Variants in XPNPEP3 observed in about 807,000 individuals in gnomAD.
The protein encoded by XPNPEP3 is X-prolyl aminopeptidase 3.
Under a neutral mutation model 60.0 loss-of-function variants are expected in XPNPEP3, and 41 were observed. The ratio of observed to expected loss-of-function variants is 0.68; its 90% confidence interval spans 0.53 to 0.89. The LOEUF is 0.89. XPNPEP3 is among the 40% of genes least tolerant of loss of function. XPNPEP3 has a pLI of 0.00. For synonymous variants in XPNPEP3, 212 were observed against 223.2 expected (o/e 0.95, Z 0.45); for missense variants, 598 against 638.9 (o/e 0.94, Z 0.69).
chr22:40,929,722 A>G lies in XPNPEP3; in HGVS notation c.*3287A>G, dbSNP rs1449564300. The G allele has an allele frequency of 2.0e-5, 3 of 152,172 alleles. No homozygotes were observed. The East Asian group carries it at 5.8e-4, about 29-fold the overall frequency. 9.4% of individuals were successfully genotyped at this position (152,172 alleles called of 1,614,324 possible). The stretch of plus-strand genomic sequence containing the variant: ...CTAACTATAGCAGCTAAGCATTTGA[A>G]TCAGACTTCTCATAGCAATGTTATG... On this transcript the variant is annotated 3_prime_UTR_variant, in exon 10 of 10. Transcript: ENST00000357137.
At position 40,909,245 on chromosome 22, in the gene XPNPEP3, A is replaced by G; in HGVS notation, c.969+10A>G. 6.2e-7 allele frequency: 1 copy of G among 1,608,420 alleles called. No individual in the cohort carries two copies. Among genetic ancestry groups the G allele is most frequent in the South Asian group, 1.1e-5 (1 of 90,964 alleles). On this transcript the variant is annotated intron_variant, in intron 6 of 9. Transcript: ENST00000357137. Reference sequence around the variant, plus strand: ...TAATCAACTCATCAAGGTACGTGAGATGCCCTCAGTGCTACTCCCACTAGG... The same window carrying G: ...TAATCAACTCATCAAGGTACGTGAGGTGCCCTCAGTGCTACTCCCACTAGG...
chr22:40,924,021 G>T (rs960762048), intron 8 of XPNPEP3, among the ~76,000 whole-genome samples: 22 of 152,030 alleles, frequency 1.4e-4, no homozygotes, highest in African/African-American at 2.9e-4. Flanking sequence ...CAAGAAAAGA[G>T]ATTTTTTTTT....
At chr22:40,857,585 T>C (rs1163313879) in intron 1 of XPNPEP3, among the ~76,000 whole-genome samples, 1 of 152,248 alleles carries the variant, frequency 6.6e-6, no homozygotes, top group Non-Finnish European at 1.5e-5. Flanking sequence ...CTTGTTTCTG[T>C]TAGGCGTGAG....
intron 4 of XPNPEP3, among the ~76,000 whole-genome samples, chr22:40,888,635 T>C (rs2058077817): frequency 6.6e-6 from 1 of 151,562 alleles, no homozygotes; most frequent in South Asian, 2.1e-4. Context: ...TTGGTTTCTA[T>C]CTTTTTTTTT....
At chr22:40,860,581 A>C in intron 1 of XPNPEP3, 1 of 1,187,944 alleles carries the variant, frequency 8.4e-7, no homozygotes, top group Non-Finnish European at 1.1e-6. Flanking sequence ...TTTAATTAGA[A>C]AAAAGAAAAA....
chr22:40,860,657 T>C lies in XPNPEP3; in HGVS notation c.64+3412T>C, dbSNP rs751229782. 29 of 212,142 alleles carry C rather than the reference T, an allele frequency of 1.4e-4. No individual in the cohort carries two copies. In the East Asian group the frequency reaches 3.3e-3, roughly 24 times the overall value. 13.1% of individuals were successfully genotyped at this position (212,142 alleles called of 1,614,324 possible). ...AACTCATTGCAGTTTTCCAAATTCC[T>C]TTTTTTTTTTTTTAAGACAGGGTCT... On this transcript the variant is annotated intron_variant, in intron 1 of 9. Coordinates refer to ENST00000357137, the MANE Select transcript of XPNPEP3 (RefSeq NM_022098.4).
chr22:40,889,489 G>A (rs2058081236), intron 4 of XPNPEP3, among the ~76,000 whole-genome samples: 1 of 152,204 alleles, frequency 6.6e-6, no homozygotes, highest in African/African-American at 2.4e-5. Context: ...GTAATCCTGA[G>A]TTGACAACAG....
Position 40,868,889 on chromosome 22 carries a change from A to G in XPNPEP3, c.65-110A>G, listed in dbSNP as rs1011605929. ...TATTGAAGGAGAGAAGGAAGGAAAT[A>G]TTAGTTTGCATTTTTCTAAAGCATC... On this transcript the variant is annotated intron_variant, in intron 1 of 9. Coordinates refer to ENST00000357137, the MANE Select transcript of XPNPEP3 (RefSeq NM_022098.4). 7 of 856,752 alleles carry G rather than the reference A, an allele frequency of 8.2e-6. No individual in the cohort carries two copies. The African/African-American group carries it at 1.0e-4, about 12-fold the overall frequency. The allele number at this position is 856,752 out of a possible 1,614,324, so 53.1% of individuals were successfully genotyped here. A position where few individuals can be genotyped will look rare whatever the true frequency, so the allele number is the denominator to read the frequency against.
At chr22:40,891,169 C>T (rs1223192571) in intron 4 of XPNPEP3, among the ~76,000 whole-genome samples, 47 of 145,486 alleles carry the variant, frequency 3.2e-4, no homozygotes, top group Non-Finnish European at 1.7e-4. Context: ...ATAGTAAGAC[C>T]CCATTTCTAC....
At chr22:40,861,035 G>T in intron 1 of XPNPEP3, 4 of 1,537,238 alleles carry the variant, frequency 2.6e-6, no homozygotes, top group Non-Finnish European at 3.5e-6. Context: ...ACACAATTGT[G>T]TTCAAATGTT....
chr22:40,908,830 T>TA (rs2058165994), intron 5 of XPNPEP3, among the ~76,000 whole-genome samples: 1 of 152,156 alleles, frequency 6.6e-6, no homozygotes, highest in Admixed American at 6.5e-5. Flanking sequence ...ATTTGAAAAT[T>TA]ATAAGAAATT....
chr22:40,886,649 C>G, intron 4 of XPNPEP3, 134 bp downstream of exon 4: 1 of 773,698 alleles, frequency 1.3e-6, no homozygotes. Context: ...CATGGTGAAA[C>G]CCCGTCTCTA....
At chr22:40,925,946 T>G (rs1342390806) in intron 9 of XPNPEP3, among the ~76,000 whole-genome samples, 1 of 152,178 alleles carries the variant, frequency 6.6e-6, no homozygotes, top group African/African-American at 2.4e-5. Flanking sequence ...TACTTTTAAA[T>G]TAAGTAACTT....
chr22:40,914,205 C>G, intron 6 of XPNPEP3, 34 bp from the exon 7 acceptor site: 1 of 1,556,122 alleles, frequency 6.4e-7, no homozygotes, highest in Non-Finnish European at 8.9e-7. Context: ...TAATCATGAG[C>G]TTATCCACTT....
chr22:40,922,452 T>C lies in XPNPEP3; in HGVS notation c.1175T>C (p.Ile392Thr), dbSNP rs1400014351. 3.7e-6 allele frequency: 6 copies of C among 1,613,980 alleles called. 1 individual carries two copies. In the East Asian group the frequency reaches 1.3e-4, roughly 36 times the overall value. ...ATCTACAGCATGATGCTGACCCTGA[T>C]AGGACAGAAGCTTAAAGACTTGGGG... ...ENIYSMMLTL[I>T]GQKLKDLGIM... Residue 392 changes from isoleucine to threonine, a missense_variant, in exon 8 of 10, where the codon ATA becomes ACA. Ile to Thr is a moderately conservative substitution (Grantham distance 89). Transcript: ENST00000357137.
intron 2 of XPNPEP3, among the ~76,000 whole-genome samples, chr22:40,878,734 G>A (rs967139990): frequency 1.3e-5 from 2 of 151,892 alleles, no homozygotes; most frequent in African/African-American, 4.8e-5. Flanking sequence ...CTACAGGTGT[G>A]CGCCACCATA....
chr22:40,887,653 AAC>A (rs2058074494), intron 4 of XPNPEP3, among the ~76,000 whole-genome samples: 1 of 152,180 alleles, frequency 6.6e-6, no homozygotes, highest in Non-Finnish European at 1.5e-5. Context: ...TTAGAGCTTT[AAC>A]ACATTAATTC....
chr22:40,885,809 T>G (rs2058066261), intron 3 of XPNPEP3, among the ~76,000 whole-genome samples: 1 of 152,048 alleles, frequency 6.6e-6, no homozygotes, highest in Non-Finnish European at 1.5e-5. Flanking sequence ...TGGTGAAACC[T>G]CATCTCTACT....
Position 40,914,222 on chromosome 22 carries a change from G to A in XPNPEP3, c.970-17G>A. 6.2e-7 allele frequency: 1 copy of A among 1,609,030 alleles called. No individual in the cohort carries two copies. Among genetic ancestry groups the A allele is most frequent in the Non-Finnish European group, 8.5e-7 (1 of 1,175,714 alleles). ...ATCATGAGCTTATCCACTTTAACCT[G>A]TCTTACTTTGTTCCAGGATGGGGAA... On this transcript the variant is annotated splice_polypyrimidine_tract_variant and intron_variant, in intron 6 of 9. Coordinates refer to ENST00000357137, the MANE Select transcript of XPNPEP3 (RefSeq NM_022098.4).
Sources: allele counts gnomAD v4.1 joint callset (sites outside exome capture counted in the v4.1 genomes callset), GRCh38; gene constraint gnomAD v4.1.1; transcripts MANE v1.5; gene names NCBI Gene and HGNC (gene_info 2026-07-23, HGNC 2026-07-21).